Variants in ARHGEF2 observed in about 807,000 individuals in gnomAD.
The protein encoded by ARHGEF2 is rho guanine nucleotide exchange factor 2.
In ARHGEF2, 22 loss-of-function variants were observed where a neutral mutation model predicts 121.0. The ratio of observed to expected loss-of-function variants is 0.18; its 90% CI spans 0.13 to 0.26. The LOEUF is 0.26. Ranked by LOEUF, ARHGEF2 falls within the 10% of genes least tolerant of loss-of-function variation. The pLI, the probability that ARHGEF2 is intolerant of heterozygous loss-of-function variation, is 1.00. For missense variants in ARHGEF2, 907 were observed against 1,336.0 expected (o/e 0.68, Z 5.01); for synonymous variants, 487 against 530.0 (o/e 0.92, Z 1.11).
Position 155,966,434 on chromosome 1 carries a change from C to T in ARHGEF2, c.322G>A (p.Val108Ile), listed in dbSNP as rs762214219. Residue 108 changes from valine (V) to isoleucine (I), a missense_variant, in exon 4 of 22, where the codon GTT (valine) becomes ATT (isoleucine). Val to Ile is a conservative substitution (Grantham distance 29). Around this residue, in one of 2 missense-constraint regions of ARHGEF2, gnomAD observed 475 missense variants for 776.5 expected, o/e 0.61. Coordinates refer to ENST00000361247, the MANE Select transcript of ARHGEF2 (RefSeq NM_001162383.2). The stretch of plus-strand genomic sequence containing the variant: ...TACTCACTCTTACTTCGAAGAGAAA[C>T]GGACTGCAAGGCGGTGTTGTTCTTC... ...LLKNNTALQS[V>I]SLRSKTTIRE... 2.5e-6 allele frequency: 4 copies of T among 1,614,028 alleles called. No individual in the cohort carries two copies. Among genetic ancestry groups the T allele is most frequent in the Admixed American group, 1.7e-5 (1 of 60,010 alleles).
Position 155,978,246 on chromosome 1 carries a change from CGCT to C in ARHGEF2, c.63+116_63+118del. On this transcript the variant is annotated intron_variant, in intron 1 of 21. Transcript: ENST00000361247. This position sits in a 1 kb window ranked among gnomAD's most constrained non-coding sequence, Gnocchi z 4.1. Reference sequence around the variant, plus strand: ...CCCGTCCCGCCGCTCGCCGATCCACCGCTCCGCCCGATTTTGGCGCCCAGAAAG... The same window carrying C: ...CCCGTCCCGCCGCTCGCCGATCCACCCCGCCCGATTTTGGCGCCCAGAAAG... 7.4e-7 allele frequency: 1 copy of C among 1,348,316 alleles called. No individual in the cohort carries two copies. Among genetic ancestry groups the C allele is most frequent in the Non-Finnish European group, 9.7e-7 (1 of 1,033,190 alleles). 83.5% of individuals were successfully genotyped at this position (1,348,316 alleles called of 1,614,324 possible).
In ARHGEF2 at chr1:155,947,291, T is replaced by C. The variant is rs1038597415; in HGVS notation, c.*651A>G. Reference sequence around the variant, plus strand: ...AACAAAACATTCTGGTCCCTGTGGGTTTTTTCCCTCACCCCCAACAAACCA... The same window carrying C: ...AACAAAACATTCTGGTCCCTGTGGGCTTTTTCCCTCACCCCCAACAAACCA... On this transcript the variant is annotated 3_prime_UTR_variant, in exon 22 of 22. Transcript: ENST00000361247. 1.8e-5 allele frequency: 8 copies of C among 447,024 alleles called. No homozygotes were observed. Among genetic ancestry groups the C allele is most frequent in the Non-Finnish European group, 3.2e-5 (7 of 222,048 alleles). 27.7% of individuals were successfully genotyped at this position (447,024 alleles called of 1,614,324 possible).
chr1:155,963,675 A>T (rs1328778248), intron 7 of ARHGEF2, among the ~76,000 whole-genome samples: 27 of 143,832 alleles, frequency 1.9e-4, no homozygotes, highest in African/African-American at 6.7e-4. Context: ...TTTTATTATT[A>T]TTTTTTTTTT....
At position 155,965,765 on chromosome 1, in the gene ARHGEF2, G is replaced by T. The variant is rs756836478; in HGVS notation, c.341-5C>A. The T allele has an allele frequency of 1.4e-5, 23 of 1,588,402 alleles. No homozygotes were observed. The highest frequency in any genetic ancestry group is 4.5e-5 in the South Asian group (4 of 88,094). On this transcript the variant is annotated splice_region_variant and splice_polypyrimidine_tract_variant and intron_variant, in intron 4 of 21. Transcript: ENST00000361247. The surrounding 1 kb of genome is among the most constrained non-coding windows in gnomAD (Gnocchi z 6.0). ...TTGGCCGCTCCCGGATGGTTGCTGTGGGGGAGAGATGCCCAGCAGGCAAAC... is the reference window on the plus strand; with the variant it reads ...TTGGCCGCTCCCGGATGGTTGCTGTTGGGGAGAGATGCCCAGCAGGCAAAC...
chr1:155,959,765 G>A (rs1394976945), intron 11 of ARHGEF2, among the ~76,000 whole-genome samples: 2 of 152,180 alleles, frequency 1.3e-5, no homozygotes, highest in East Asian at 3.9e-4. Flanking sequence ...GGCTGGTCTC[G>A]AATTCCGGAC....
At position 155,953,357 on chromosome 1, in the gene ARHGEF2, A is replaced by G. The variant is rs535182640; in HGVS notation, c.1784-529T>C. Among the ~76,000 whole-genome samples, 5 of 152,258 alleles carry G rather than the reference A, an allele frequency of 3.3e-5. No individual in the cohort carries two copies. The South Asian group carries it at 1.0e-3, about 32-fold the overall frequency. ...TTCCTTTAATGAGAAAATGCATAGA[A>G]GTTTCATCTGGGCACACATGGCTGC... is the stretch of plus-strand genomic sequence containing the variant. On this transcript the variant is annotated intron_variant, in intron 14 of 21. Coordinates refer to ENST00000361247, the MANE Select transcript of ARHGEF2 (RefSeq NM_001162383.2).
At chr1:155,960,216 G>C (rs1382644093) in intron 11 of ARHGEF2, among the ~76,000 whole-genome samples, 1 of 152,148 alleles carries the variant, frequency 6.6e-6, no homozygotes, top group Non-Finnish European at 1.5e-5. Flanking sequence ...TACAATCCCA[G>C]CACTTTGGGA....
intron 1 of ARHGEF2, among the ~76,000 whole-genome samples, chr1:155,971,343 C>G (rs1283704638): frequency 6.6e-6 from 1 of 150,824 alleles, no homozygotes; most frequent in South Asian, 2.1e-4. Flanking sequence ...TTTGGGAGGT[C>G]GAGGCGGGTG....
chr1:155,958,890 C>G (rs1456961456), intron 11 of ARHGEF2, among the ~76,000 whole-genome samples: 1 of 131,362 alleles, frequency 7.6e-6, no homozygotes, highest in Non-Finnish European at 1.5e-5. Flanking sequence ...CACATTCTTA[C>G]AGCTTAAAAA....
intron 1 of ARHGEF2, among the ~76,000 whole-genome samples, chr1:155,974,856 G>GT (rs1055831758): frequency 2.0e-5 from 3 of 151,642 alleles, no homozygotes; most frequent in Non-Finnish European, 4.4e-5. Context: ...AAAGAGAGGG[G>GT]GGGTAAGCGA....
rs1175061416 is a variant in ARHGEF2 at position 155,948,020 on chromosome 1, A to C, written c.2888-5T>G. ...TGTCCTGCATTCTGGTAAAGTCTGA[A>C]GGGGGACAGGACAAAGCCAGTGAGT... On this transcript the variant is annotated splice_region_variant and splice_polypyrimidine_tract_variant and intron_variant, in intron 21 of 21. Coordinates refer to ENST00000361247, the MANE Select transcript of ARHGEF2 (RefSeq NM_001162383.2). The C allele has an allele frequency of 1.3e-6, 2 of 1,550,920 alleles. No homozygotes were observed. Among genetic ancestry groups the C allele is most frequent in the East Asian group, 4.9e-5 (2 of 41,050 alleles).
chr1:155,962,483 G>A lies in ARHGEF2; in HGVS notation c.1101+110C>T, dbSNP rs1042331487. On this transcript the variant is annotated intron_variant, in intron 9 of 21. Coordinates refer to ENST00000361247, the MANE Select transcript of ARHGEF2 (RefSeq NM_001162383.2). This position sits in a 1 kb window ranked among gnomAD's most constrained non-coding sequence, Gnocchi z 5.8. ...GGATCTGTGTATGGATGGTCTGCAC[G>A]GGTGGCGAATGCCTGACCTCCATGT... 25 of 1,469,744 alleles carry A rather than the reference G, an allele frequency of 1.7e-5. No homozygotes were observed. The highest frequency in any genetic ancestry group is 1.3e-4 in the Admixed American group (7 of 54,290). 91.0% of individuals were successfully genotyped at this position (1,469,744 alleles called of 1,614,324 possible).
At chr1:155,969,901 A>C in intron 1 of ARHGEF2, 6 of 985,194 alleles carry the variant, frequency 6.1e-6, no homozygotes, top group Non-Finnish European at 7.2e-6. Context: ...CAGACCTCTA[A>C]CTCTTTTCAC....
Position 155,947,371 on chromosome 1 carries a change from AG to A in ARHGEF2, c.*570del, listed in dbSNP as rs1201711583. On this transcript the variant is annotated 3_prime_UTR_variant, in exon 22 of 22. Coordinates refer to ENST00000361247, the MANE Select transcript of ARHGEF2 (RefSeq NM_001162383.2). ...ACTCCAGGAAGCCAGGTTATCTCCC[AG>A]GGCTTCCATGAAGGACGGAGAAAGG... The A allele has an allele frequency of 2.0e-5, 9 of 456,462 alleles. No individual in the cohort carries two copies. Among genetic ancestry groups the A allele is most frequent in the African/African-American group, 1.6e-4 (8 of 50,036 alleles). 28.3% of individuals were successfully genotyped at this position (456,462 alleles called of 1,614,324 possible).
At position 155,962,536 on chromosome 1, in the gene ARHGEF2, T is replaced by A; in HGVS notation, c.1101+57A>T. ...GTGCAGCTCACAGGCACTACCCCCA[T>A]GAGTTGGGGAGGGTGGGTTTGGGCC... is the stretch of plus-strand genomic sequence containing the variant. On this transcript the variant is annotated intron_variant, in intron 9 of 21. Coordinates refer to ENST00000361247, the MANE Select transcript of ARHGEF2 (RefSeq NM_001162383.2). This position sits in a 1 kb window ranked among gnomAD's most constrained non-coding sequence, Gnocchi z 5.8. 1 of 1,595,942 alleles carries A rather than the reference T, an allele frequency of 6.3e-7. No individual in the cohort carries two copies. The highest frequency in any genetic ancestry group is 8.6e-7 in the Non-Finnish European group (1 of 1,169,436).
At position 155,950,820 on chromosome 1, in the gene ARHGEF2, C is replaced by T. The variant is rs1381409231; in HGVS notation, c.2703+9G>A. 1.3e-6 allele frequency: 2 copies of T among 1,518,534 alleles called. No homozygotes were observed. The highest frequency in any genetic ancestry group is 1.3e-5 in the South Asian group (1 of 75,506). 94.1% of individuals were successfully genotyped at this position (1,518,534 alleles called of 1,614,324 possible). ...CCCCAGGTCCATTCACCACTGCAGG[C>T]CACCTTACCTGTGGGGGGTTGAAAC... is the stretch of plus-strand genomic sequence containing the variant. On this transcript the variant is annotated intron_variant, in intron 20 of 21. Coordinates refer to ENST00000361247, the MANE Select transcript of ARHGEF2 (RefSeq NM_001162383.2). The surrounding 1 kb of genome is among the most constrained non-coding windows in gnomAD (Gnocchi z 5.2).
Position 155,965,040 on chromosome 1 carries a change from G to A in ARHGEF2, c.672C>T (p.Ser224=). 1 of 1,614,178 alleles carries A rather than the reference G, an allele frequency of 6.2e-7. No homozygotes were observed. The highest frequency in any genetic ancestry group is 8.5e-7 in the Non-Finnish European group (1 of 1,180,034). ...ADSWSLAVDS[S]FLQQHKKEVM... ...CCTCCTTTTTATGCTGCTGCAGGAA[G>A]CTGCTGTCCACAGCAAGACTCCAAG... Residue 224 remains serine (S), a synonymous_variant, in exon 7 of 22, where the codon AGC becomes AGT. Coordinates refer to ENST00000361247, the MANE Select transcript of ARHGEF2 (RefSeq NM_001162383.2). This position sits in a 1 kb window ranked among gnomAD's most constrained non-coding sequence, Gnocchi z 6.0.
At chr1:155,958,193 G>A (rs571105136) in intron 12 of ARHGEF2, 127 bp downstream of exon 12, 401 of 730,244 alleles carry the variant, frequency 5.5e-4, no homozygotes, top group Non-Finnish European at 7.5e-4. Context: ...TTATTATTAC[G>A]GTAATAGTAA....
chr1:155,970,661 A>AC, intron 1 of ARHGEF2: 7 of 985,646 alleles, frequency 7.1e-6, no homozygotes, highest in Non-Finnish European at 8.4e-6. Context: ...AGCCGAGGCC[A>AC]CGAGGCCACG....
Sources: allele counts gnomAD v4.1 joint callset (sites outside exome capture counted in the v4.1 genomes callset), GRCh38; gene constraint gnomAD v4.1.1; regional missense constraint gnomAD v4.1.1; non-coding constraint Gnocchi (gnomAD v3.1); transcripts MANE v1.5; gene names NCBI Gene and HGNC (gene_info 2026-07-23, HGNC 2026-07-21).